Variants in TMEFF2 observed in about 807,000 individuals in gnomAD.
The protein encoded by TMEFF2 is tomoregulin-2.
In TMEFF2, 28 loss-of-function variants were observed where a neutral mutation model predicts 53.8. That is an observed-to-expected ratio of 0.52 (90% CI 0.39 to 0.71). The LOEUF is 0.71. Ranked by LOEUF, TMEFF2 falls within the 30% of genes least tolerant of loss-of-function variation. TMEFF2 has a pLI of 0.00. For missense variants in TMEFF2, 353 were observed against 455.2 expected (o/e 0.78, Z 2.04); for synonymous variants, 162 against 166.3 (o/e 0.97, Z 0.20).
intron 4 of TMEFF2, among the ~76,000 whole-genome samples, chr2:192,146,598 T>C (rs1312353612): frequency 6.6e-6 from 1 of 152,066 alleles, no homozygotes; most frequent in African/African-American, 2.4e-5. Context: ...ATATCCTATT[T>C]TCTGAATTTG....
chr2:192,016,874 C>T (rs551822150), intron 5 of TMEFF2, among the ~76,000 whole-genome samples: 7 of 152,184 alleles, frequency 4.6e-5, no homozygotes, highest in South Asian at 2.1e-4. Context: ...TCTAACATGT[C>T]GCATCACTGT....
At chr2:192,133,795 A>C (rs866096997) in intron 4 of TMEFF2, among the ~76,000 whole-genome samples, 35 of 152,086 alleles carry the variant, frequency 2.3e-4, no homozygotes, top group African/African-American at 4.6e-4. Flanking sequence ...TCACAGACAG[A>C]CCCCATTACT....
At chr2:192,044,407 A>G (rs1285885939) in intron 5 of TMEFF2, 1 of 152,192 alleles carries the variant, frequency 6.6e-6, no homozygotes, top group African/African-American at 2.4e-5. Flanking sequence ...AAGGTAAAGG[A>G]TAAGTTGATG....
In TMEFF2 at chr2:192,077,979, G is replaced by T. The variant is rs544397654; in HGVS notation, c.440-20204C>A. Reference sequence around the variant, plus strand: ...CAGACTCTAGCAAGCACTAGAGTCTGCCATAAACAGTGCACATTCATTTAA... The same window carrying T: ...CAGACTCTAGCAAGCACTAGAGTCTTCCATAAACAGTGCACATTCATTTAA... On this transcript the variant is annotated intron_variant, in intron 4 of 9. Transcript: ENST00000272771. Among the ~76,000 whole-genome samples, 32 of 152,138 alleles carry T rather than the reference G, an allele frequency of 2.1e-4. No individual in the cohort carries two copies. The East Asian group carries it at 5.4e-3, about 26-fold the overall frequency.
chr2:192,066,824 T>C (rs1345193589), intron 4 of TMEFF2, among the ~76,000 whole-genome samples: 1 of 151,888 alleles, frequency 6.6e-6, no homozygotes, highest in African/African-American at 2.4e-5. Context: ...CCAGACTTCA[T>C]GAAAATATAT....
chr2:191,957,970 T>C (rs975704169), intron 7 of TMEFF2, among the ~76,000 whole-genome samples: 7 of 152,244 alleles, frequency 4.6e-5, no homozygotes, highest in Non-Finnish European at 1.0e-4. Context: ...CTTTGGAATT[T>C]TGTGGTATAA....
At chr2:192,109,800 T>C (rs73045736) in intron 4 of TMEFF2, among the ~76,000 whole-genome samples, 3,003 of 152,210 alleles carry the variant, frequency 0.02, 87 homozygotes, top group African/African-American at 0.067. Context: ...GGTTTGGACA[T>C]ATTATGTTGT....
chr2:192,130,286 C>T (rs958493982), intron 4 of TMEFF2, among the ~76,000 whole-genome samples: 1 of 152,004 alleles, frequency 6.6e-6, no homozygotes, highest in Non-Finnish European at 1.5e-5. Context: ...TCTCCCCTTC[C>T]TCCTCCTTCT....
chr2:191,983,077 A>G (rs1478966597), intron 7 of TMEFF2, among the ~76,000 whole-genome samples: 1 of 152,170 alleles, frequency 6.6e-6, no homozygotes, highest in Non-Finnish European at 1.5e-5. Flanking sequence ...CTCCTATTTG[A>G]CAGTTTCAAA....
intron 4 of TMEFF2, among the ~76,000 whole-genome samples, chr2:192,108,321 CATATGGATTATT>C (rs1689198014): frequency 6.6e-6 from 1 of 151,788 alleles, no homozygotes; most frequent in African/African-American, 2.4e-5. Context: ...ATGCAATATT[CATATGGATTATT>C]AGTGTAATCC....
chr2:192,170,880 C>T (rs1186039094), intron 4 of TMEFF2, among the ~76,000 whole-genome samples: 2 of 152,020 alleles, frequency 1.3e-5, no homozygotes, highest in Non-Finnish European at 2.9e-5. Flanking sequence ...CTATTTATTC[C>T]TGGATTTTTT....
At chr2:192,068,218 C>G (rs1341663997) in intron 4 of TMEFF2, among the ~76,000 whole-genome samples, 3 of 151,824 alleles carry the variant, frequency 2.0e-5, no homozygotes, top group Admixed American at 1.3e-4. Flanking sequence ...CTCTGCCACT[C>G]TAAGGCGTTA....
At chr2:192,115,878 T>C (rs1489525979) in intron 4 of TMEFF2, among the ~76,000 whole-genome samples, 1 of 152,020 alleles carries the variant, frequency 6.6e-6, no homozygotes, top group Non-Finnish European at 1.5e-5. Context: ...TCTTATAGAC[T>C]GTTGGTGGAA....
At chr2:192,090,267 C>G (rs1688761427) in intron 4 of TMEFF2, among the ~76,000 whole-genome samples, 1 of 152,076 alleles carries the variant, frequency 6.6e-6, no homozygotes, top group Admixed American at 6.6e-5. Context: ...GGCTCAACAA[C>G]TGAAGGAAAT....
At chr2:192,125,356 ACT>A (rs1689651778) in intron 4 of TMEFF2, among the ~76,000 whole-genome samples, 1 of 152,084 alleles carries the variant, frequency 6.6e-6, no homozygotes, top group Non-Finnish European at 1.5e-5. Flanking sequence ...ATTCAGCTCA[ACT>A]CTAATAAAAA....
intron 4 of TMEFF2, among the ~76,000 whole-genome samples, chr2:192,076,841 A>G (rs78984251): frequency 0.035 from 5,267 of 152,262 alleles, 287 homozygotes; most frequent in African/African-American, 0.12. Flanking sequence ...CAGTGAGCCA[A>G]AAAGTCTGCA....
chr2:192,001,614 G>A (rs897418339), intron 5 of TMEFF2, among the ~76,000 whole-genome samples: 13 of 152,110 alleles, frequency 8.5e-5, no homozygotes, highest in East Asian at 5.8e-4. Flanking sequence ...TTGTGGGAGC[G>A]ACCTGGTGGG....
At chr2:192,170,530 T>G (rs541381153) in intron 4 of TMEFF2, among the ~76,000 whole-genome samples, 1 of 152,046 alleles carries the variant, frequency 6.6e-6, no homozygotes, top group South Asian at 2.1e-4. Flanking sequence ...AACGACAGAA[T>G]AGCAATCCAG....
intron 5 of TMEFF2, among the ~76,000 whole-genome samples, chr2:192,024,291 T>A (rs1400025953): frequency 6.6e-6 from 1 of 152,182 alleles, no homozygotes; most frequent in Non-Finnish European, 1.5e-5. Flanking sequence ...AGCATAAAAT[T>A]GTATATTGTA....
Sources: allele counts gnomAD v4.1 joint callset (sites outside exome capture counted in the v4.1 genomes callset), GRCh38; gene constraint gnomAD v4.1.1; transcripts MANE v1.5; gene names NCBI Gene and HGNC (gene_info 2026-07-23, HGNC 2026-07-21).